Variants in PPP3CA observed in about 807,000 individuals in gnomAD.
PPP3CA encodes the protein CAM-PRP catalytic subunit.
A neutral mutation model predicts 66.5 loss-of-function variants in PPP3CA; 14 were observed. The ratio of observed to expected loss-of-function variants is 0.21; its 90% CI spans 0.14 to 0.33. The LOEUF (loss-of-function observed/expected upper bound fraction) is 0.33. Ranked by LOEUF, PPP3CA falls within the 10% of genes least tolerant of loss-of-function variation. The pLI, the probability that PPP3CA is intolerant of heterozygous loss-of-function variation, is 1.00. For synonymous variants in PPP3CA, 232 were observed against 226.2 expected, an observed-to-expected ratio of 1.03 and a Z score of -0.23; for missense variants, 317 against 639.5, an observed-to-expected ratio of 0.50 and a Z score of 5.44.
intron 1 of PPP3CA, among the ~76,000 whole-genome samples, chr4:101,316,441 C>T (rs1728887259): frequency 6.6e-6 from 1 of 151,990 alleles, no homozygotes; most frequent in Non-Finnish European, 1.5e-5. Flanking sequence ...CTATTTTCAA[C>T]ATTTACATTA....
intron 2 of PPP3CA, among the ~76,000 whole-genome samples, chr4:101,149,089 GA>G (rs1723054597): frequency 1.3e-5 from 2 of 152,034 alleles, no homozygotes; most frequent in African/African-American, 4.8e-5. Context: ...AAATGCTATT[GA>G]AAATGCTGCA....
chr4:101,294,870 A>C (rs536539490), intron 1 of PPP3CA, among the ~76,000 whole-genome samples: 24 of 152,248 alleles, frequency 1.6e-4, no homozygotes, highest in Non-Finnish European at 2.4e-4. Context: ...ACCACTAAAA[A>C]AAAAAAATTA....
At chr4:101,122,829 T>C (rs1293482204) in intron 2 of PPP3CA, among the ~76,000 whole-genome samples, 1 of 152,144 alleles carries the variant, frequency 6.6e-6, no homozygotes, top group Non-Finnish European at 1.5e-5. Context: ...ATAAATCTGG[T>C]AATTCTATGC....
intron 10 of PPP3CA, among the ~76,000 whole-genome samples, chr4:101,053,832 T>C (rs1043495220): frequency 2.6e-5 from 4 of 152,062 alleles, no homozygotes; most frequent in Admixed American, 2.0e-4. Flanking sequence ...GAAAGGTCTT[T>C]TGAACGGTTC....
rs960052409 is a variant in PPP3CA, at chr4:101,085,855, CACAG to C, written c.783-2596_783-2593del. On this transcript the variant is annotated intron_variant, in intron 6 of 13. Transcript: ENST00000394854. ...GTATATACACACACACACACACACA[CACAG>C]AGAGAGAGAGAGAGAAAGAGCGAGA... Among the ~76,000 whole-genome samples the C allele has an allele frequency of 6.1e-3, 619 of 102,016 alleles. 4 individuals are homozygous for C. Among genetic ancestry groups the C allele is most frequent in the African/African-American group, 0.029 (580 of 19,854 alleles). 66.9% of individuals were successfully genotyped at this position (102,016 alleles called of 152,430 possible).
chr4:101,117,355 C>G (rs982580792), intron 2 of PPP3CA, among the ~76,000 whole-genome samples: 4 of 151,690 alleles, frequency 2.6e-5, no homozygotes, highest in African/African-American at 4.8e-5. Flanking sequence ...ATTATGACCA[C>G]AGTGTACTAT....
At chr4:101,048,942 T>C (rs1315139327) in intron 10 of PPP3CA, among the ~76,000 whole-genome samples, 1 of 152,142 alleles carries the variant, frequency 6.6e-6, no homozygotes, top group Non-Finnish European at 1.5e-5. Context: ...TAATGGATTT[T>C]AAGGGTGTAA....
rs939324643 is a variant in PPP3CA, at chr4:101,023,674, A to G, written c.*2191T>C. ...GATGGAGAAATATCCACAGGAAAAA[A>G]TGTCTGAATTCATTAAAATAACCTT... On this transcript the variant is annotated 3_prime_UTR_variant, in exon 14 of 14. Coordinates refer to ENST00000394854, the MANE Select transcript of PPP3CA (RefSeq NM_000944.5). The G allele has an allele frequency of 6.6e-6, 1 of 152,642 alleles. No individual in the cohort carries two copies. The highest frequency in any genetic ancestry group is 2.4e-5 in the African/African-American group (1 of 41,462). The allele number at this position is 152,642 out of a possible 1,614,324, so 9.5% of individuals were successfully genotyped here. A position where few individuals can be genotyped will look rare whatever the true frequency, so the allele number is the denominator to read the frequency against.
intron 1 of PPP3CA, among the ~76,000 whole-genome samples, chr4:101,211,537 C>A (rs1023359046): frequency 6.6e-6 from 1 of 152,120 alleles, no homozygotes; most frequent in Non-Finnish European, 1.5e-5. Context: ...TTAAAAGAGA[C>A]CAAAATGTTA....
At chr4:101,097,642 C>T (rs1320272594) in intron 5 of PPP3CA, among the ~76,000 whole-genome samples, 1 of 152,116 alleles carries the variant, frequency 6.6e-6, no homozygotes, top group East Asian at 1.9e-4. Flanking sequence ...TCTTTTACAT[C>T]ATTGCAATCA....
intron 2 of PPP3CA, among the ~76,000 whole-genome samples, chr4:101,143,829 T>G (rs1279083650): frequency 6.6e-6 from 1 of 152,192 alleles, no homozygotes; most frequent in African/African-American, 2.4e-5. Flanking sequence ...CTGTTACAAC[T>G]GGGTGGTTTC....
chr4:101,030,989 T>C (rs1726927887), intron 12 of PPP3CA, among the ~76,000 whole-genome samples: 1 of 151,972 alleles, frequency 6.6e-6, no homozygotes, highest in East Asian at 1.9e-4. Context: ...TTAAAATAAT[T>C]CCTAGCTGTA....
At chr4:101,254,402 T>C (rs1205863904) in intron 1 of PPP3CA, among the ~76,000 whole-genome samples, 2 of 152,030 alleles carry the variant, frequency 1.3e-5, no homozygotes, top group Non-Finnish European at 2.9e-5. Context: ...ACCCAGTTTA[T>C]GTACTGTATA....
intron 1 of PPP3CA, among the ~76,000 whole-genome samples, chr4:101,204,098 T>C (rs933793595): frequency 2.0e-5 from 3 of 152,068 alleles, no homozygotes; most frequent in African/African-American, 7.2e-5. Flanking sequence ...GTCAACCTCC[T>C]GAGCTCAACC....
At chr4:101,274,763 C>T (rs1260451487) in intron 1 of PPP3CA, among the ~76,000 whole-genome samples, 1 of 152,004 alleles carries the variant, frequency 6.6e-6, no homozygotes, top group Non-Finnish European at 1.5e-5. Context: ...AGCTTTCCTT[C>T]CCACAAATCT....
intron 2 of PPP3CA, among the ~76,000 whole-genome samples, chr4:101,171,469 A>C (rs1723878429): frequency 6.6e-6 from 1 of 152,132 alleles, no homozygotes; most frequent in African/African-American, 2.4e-5. Flanking sequence ...ATAATAGCTA[A>C]ATCTTATTGT....
intron 1 of PPP3CA, among the ~76,000 whole-genome samples, chr4:101,320,958 G>T (rs1729024297): frequency 6.6e-6 from 1 of 152,194 alleles, no homozygotes; most frequent in African/African-American, 2.4e-5. Flanking sequence ...CTACAGGGCA[G>T]TGAAGCCACC....
At chr4:101,060,082 G>GC (rs1423992401) in intron 10 of PPP3CA, among the ~76,000 whole-genome samples, 1 of 152,012 alleles carries the variant, frequency 6.6e-6, no homozygotes, top group Non-Finnish European at 1.5e-5. Flanking sequence ...GATACGGAGG[G>GC]CTGACTGTAC....
chr4:101,279,782 G>T (rs985652427), intron 1 of PPP3CA, among the ~76,000 whole-genome samples: 1 of 152,184 alleles, frequency 6.6e-6, no homozygotes, highest in Non-Finnish European at 1.5e-5. Context: ...GCCAAGAGAA[G>T]TTCAGAGAAG....
Sources: allele counts gnomAD v4.1 joint callset (sites outside exome capture counted in the v4.1 genomes callset), GRCh38; gene constraint gnomAD v4.1.1; transcripts MANE v1.5; gene names NCBI Gene and HGNC (gene_info 2026-07-23, HGNC 2026-07-21).